Variants in LINGO1 observed in about 807,000 individuals in gnomAD.
LINGO1 encodes leucine-rich repeat and immunoglobulin-like domain-containing nogo receptor-interacting protein 1.
A neutral mutation model predicts 37.3 loss-of-function variants in LINGO1; 11 were observed. The ratio of observed to expected loss-of-function variants is 0.29; its 90% CI spans 0.19 to 0.49. The LOEUF (loss-of-function observed/expected upper bound fraction) is 0.49. Ranked by LOEUF, LINGO1 falls within the 20% of genes least tolerant of loss-of-function variation. The pLI, the probability that LINGO1 is intolerant of heterozygous loss-of-function variation, is 0.99. For synonymous variants in LINGO1, 387 were observed against 403.0 expected (o/e 0.96, Z 0.48); for missense variants, 585 against 878.2 (o/e 0.67, Z 4.22).
intron 2 of LINGO1, among the ~76,000 whole-genome samples, chr15:77,729,303 G>A (rs1340576619): frequency 1.3e-5 from 2 of 152,246 alleles, no homozygotes; most frequent in Admixed American, 6.5e-5. Flanking sequence ...CAGAGGCCAG[G>A]TGCAGGGAGG....
At position 77,816,220 on chromosome 15, in the gene LINGO1, C is replaced by T. The variant is rs553383746; in HGVS notation, c.-458+4038G>A. Among the ~76,000 whole-genome samples, 24 of 152,282 alleles carry T rather than the reference C, an allele frequency of 1.6e-4. No individual in the cohort carries two copies. In the South Asian group the frequency reaches 4.6e-3, roughly 29 times the overall value. On this transcript the variant is annotated intron_variant, in intron 1 of 5. Coordinates refer to the LINGO1 transcript ENST00000562933. ...TCTGTTTCCCCTTTGAGAGCCCATC[C>T]GGGGAGGGGCCCAGGCTCATCACTG...
At chr15:77,750,521 C>T (rs2076360406) in intron 1 of LINGO1, among the ~76,000 whole-genome samples, 3 of 152,182 alleles carry the variant, frequency 2.0e-5, no homozygotes, top group Admixed American at 1.3e-4. Context: ...GTTGCCTCTT[C>T]CTGGGAGTTC....
intron 1 of LINGO1, among the ~76,000 whole-genome samples, chr15:77,739,894 C>T (rs926808020): frequency 1.3e-5 from 2 of 152,260 alleles, no homozygotes; most frequent in African/African-American, 2.4e-5. Context: ...CATCAGCCAG[C>T]AGCCCCTCCA....
intron 1 of LINGO1, among the ~76,000 whole-genome samples, chr15:77,740,895 C>T (rs60040029): frequency 2.6e-5 from 4 of 152,218 alleles, no homozygotes; most frequent in African/African-American, 2.4e-5. Flanking sequence ...CCGAGCTATG[C>T]GGCCCGGCAA....
At chr15:77,619,741 T>TAAAAA (rs1555520556) in intron 1 of LINGO1, among the ~76,000 whole-genome samples, 12 of 141,940 alleles carry the variant, frequency 8.5e-5, no homozygotes, top group African/African-American at 3.1e-4. Context: ...TAAAATAAAA[T>TAAAAA]AAAAAAGAAA....
intron 1 of LINGO1, among the ~76,000 whole-genome samples, chr15:77,807,315 C>T (rs1403554945): frequency 3.3e-5 from 5 of 152,326 alleles, no homozygotes; most frequent in South Asian, 2.1e-4. Flanking sequence ...GGGGCTGCTT[C>T]GGATTCATCC....
chr15:77,803,431 C>T lies in LINGO1; in HGVS notation c.-457-7378G>A, dbSNP rs188133848. On this transcript the variant is annotated intron_variant, in intron 1 of 5. Coordinates refer to the LINGO1 transcript ENST00000562933. ...CCGCTGCACTCCCTGGGTGACAGAG[C>T]GAGACCCCATCTCCAAACAAACAGA... Among the ~76,000 whole-genome samples, 521 of 150,722 alleles carry T rather than the reference C, an allele frequency of 3.5e-3. 4 individuals carry two copies. The highest frequency in any genetic ancestry group is 0.012 in the African/African-American group (480 of 40,888).
intron 1 of LINGO1, among the ~76,000 whole-genome samples, chr15:77,694,771 G>A (rs901609435): frequency 3.9e-5 from 6 of 152,218 alleles, no homozygotes; most frequent in South Asian, 2.1e-4. Context: ...TCCCTCCCAC[G>A]AGGCGTCGTT....
intron 1 of LINGO1, among the ~76,000 whole-genome samples, chr15:77,629,298 G>GTTCATTCATTCA (rs57875651): frequency 8.6e-5 from 13 of 151,838 alleles, no homozygotes; most frequent in African/African-American, 2.2e-4. Flanking sequence ...TCGCTTGTTC[G>GTTCATTCATTCA]TTCATTCATT....
At chr15:77,657,735 G>GT (rs1194305404) in intron 3 of LINGO1, among the ~76,000 whole-genome samples, 1 of 152,138 alleles carries the variant, frequency 6.6e-6, no homozygotes, top group African/African-American at 2.4e-5. Flanking sequence ...AAGGAAGGAG[G>GT]GATGGATTTA....
chr15:77,728,746 C>T (rs2076127297), intron 2 of LINGO1, among the ~76,000 whole-genome samples: 1 of 152,256 alleles, frequency 6.6e-6, no homozygotes, highest in African/African-American at 2.4e-5. Flanking sequence ...GTTCAAATCC[C>T]CACTCTGCCA....
chr15:77,778,093 C>A (rs2141419563), intron 1 of LINGO1, among the ~76,000 whole-genome samples: 1 of 152,364 alleles, frequency 6.6e-6, no homozygotes. Context: ...GTTGGGGGGA[C>A]TGGCTCCTGC....
chr15:77,685,258 C>G (rs62009134), intron 2 of LINGO1, among the ~76,000 whole-genome samples: 8 of 152,094 alleles, frequency 5.3e-5, no homozygotes, highest in African/African-American at 7.2e-5. Flanking sequence ...GCAGCTTGAC[C>G]GAGGATCTGA....
intron 1 of LINGO1, among the ~76,000 whole-genome samples, chr15:77,812,720 T>G (rs1028247336): frequency 1.3e-5 from 2 of 152,218 alleles, no homozygotes; most frequent in Non-Finnish European, 1.5e-5. Flanking sequence ...TAATGGAGAT[T>G]TATCAGTACC....
intron 1 of LINGO1, among the ~76,000 whole-genome samples, chr15:77,773,343 G>A (rs1002604455): frequency 6.6e-6 from 1 of 152,208 alleles, no homozygotes; most frequent in Non-Finnish European, 1.5e-5. Context: ...CAGCATGAAT[G>A]AACACCCACT....
chr15:77,777,405 G>GAC (rs1349728333), intron 1 of LINGO1, among the ~76,000 whole-genome samples: 3 of 146,146 alleles, frequency 2.1e-5, no homozygotes, highest in Non-Finnish European at 4.5e-5. Flanking sequence ...CACACATATG[G>GAC]ACACACACAC....
At chr15:77,619,172 T>C (rs1443438885) in intron 1 of LINGO1, among the ~76,000 whole-genome samples, 2 of 152,194 alleles carry the variant, frequency 1.3e-5, no homozygotes, top group Non-Finnish European at 2.9e-5. Context: ...TGGGTGTGTG[T>C]GTCTCACCTG....
upstream of LINGO1, chr15:77,788,803 A>AG (rs1018267895): frequency 3.9e-5 from 6 of 152,224 alleles, no homozygotes; most frequent in Non-Finnish European, 1.5e-5. Context: ...CCACTACCTG[A>AG]GGGCACCCTG....
intron 1 of LINGO1, among the ~76,000 whole-genome samples, chr15:77,779,718 T>C (rs926967825): frequency 2.6e-5 from 4 of 152,200 alleles, no homozygotes; most frequent in African/African-American, 9.7e-5. Context: ...CGCTCACTAC[T>C]GCTCATCTCC....
Sources: allele counts gnomAD v4.1 joint callset (sites outside exome capture counted in the v4.1 genomes callset), GRCh38; gene constraint gnomAD v4.1.1; transcripts MANE v1.5; gene names NCBI Gene and HGNC (gene_info 2026-07-23, HGNC 2026-07-21).